Variants in ATP8A2 observed in about 807,000 individuals in gnomAD.
The protein encoded by ATP8A2 is ATPase phospholipid transporting 8A2.
ATP8A2 carries 100 observed loss-of-function variants against 165.6 expected under a neutral mutation model. That is an observed-to-expected ratio of 0.60 (90% CI 0.51 to 0.71). ATP8A2 has a LOEUF of 0.71. Ranked by LOEUF, ATP8A2 falls within the 30% of genes least tolerant of loss-of-function variation. ATP8A2 has a pLI of 0.00. For synonymous variants in ATP8A2, 543 were observed against 548.8 expected (o/e 0.99, Z 0.15); for missense variants, 1,227 against 1,479.5 (o/e 0.83, Z 2.80).
chr13:25,825,490 T>C (rs2138588638), intron 27 of ATP8A2, among the ~76,000 whole-genome samples: 1 of 152,232 alleles, frequency 6.6e-6, no homozygotes, highest in East Asian at 1.9e-4. Context: ...TTTTCTATTT[T>C]TAGTTGATAA....
At chr13:25,847,689 G>T (rs376470163) in intron 30 of ATP8A2, among the ~76,000 whole-genome samples, 2 of 152,136 alleles carry the variant, frequency 1.3e-5, no homozygotes, top group Non-Finnish European at 2.9e-5. Context: ...CATTGTTCGC[G>T]GGTGTGTTGA....
intron 25 of ATP8A2, among the ~76,000 whole-genome samples, chr13:25,763,419 TTTTTATAGTGAGGGAGC>T (rs1172647931): frequency 2.6e-5 from 4 of 152,142 alleles, no homozygotes; most frequent in Admixed American, 2.0e-4. Context: ...CATGTGTAAG[TTTTTATAGTGAGGGAGC>T]TTTTATAGTG....
In ATP8A2 at chr13:25,606,812, A is replaced by G. The variant is rs148316205; in HGVS notation, c.2211+17113A>G. ...CATGTGGTTATTAATCACTTGAAAC[A>G]TAACTAGTTTGGTTGAGGAACTATC... On this transcript the variant is annotated intron_variant, in intron 24 of 36. Transcript: ENST00000381655. 5.8e-3 allele frequency among the ~76,000 whole-genome samples: 878 copies of G among 152,330 alleles called. 7 individuals carry two copies. The highest frequency in any genetic ancestry group is 0.02 in the African/African-American group (833 of 41,574).
intron 35 of ATP8A2, among the ~76,000 whole-genome samples, chr13:25,974,776 T>G (rs1243768301): frequency 2.0e-5 from 3 of 152,102 alleles, no homozygotes; most frequent in Non-Finnish European, 1.5e-5. Context: ...TGTCCCCTCA[T>G]GTCCTGCGCA....
chr13:25,742,655 TTC>T (rs10564366), intron 25 of ATP8A2, among the ~76,000 whole-genome samples: 30,184 of 144,190 alleles, frequency 0.21, 3,845 homozygotes, highest in African/African-American at 0.37. Context: ...CACTCCACTT[TTC>T]TCTCTCTCTC....
At position 25,530,578 on chromosome 13, in the gene ATP8A2, C is replaced by T; in HGVS notation, c.338C>T (p.Ser113Phe). 6.3e-7 allele frequency: 1 copy of T among 1,580,874 alleles called. No homozygotes were observed. The highest frequency in any genetic ancestry group is 8.6e-7 in the Non-Finnish European group (1 of 1,158,428). The change falls in exon 4 of 37, where the codon TCT becomes TTT. Residue 113 changes from serine to phenylalanine, a missense_variant. Ser to Phe is a radical substitution (Grantham distance 155, BLOSUM62 -2). Around this residue, in one of 5 missense-constraint regions of ATP8A2, gnomAD observed 356 missense variants for 394.9 expected, o/e 0.90. Transcript: ENST00000381655. Reference sequence around the variant, plus strand: ...ATCTTCCAGCAAATTCCAGATGTATCTCCAACAGGAAGATATACCACCCTG... The same window carrying T: ...ATCTTCCAGCAAATTCCAGATGTATTTCCAACAGGAAGATATACCACCCTG... Reference protein sequence around the residue: ...IALLQQIPDVSPTGRYTTLVP... With the variant: ...IALLQQIPDVFPTGRYTTLVP...
At chr13:25,682,109 C>A (rs966361151) in intron 24 of ATP8A2, among the ~76,000 whole-genome samples, 3 of 152,036 alleles carry the variant, frequency 2.0e-5, no homozygotes, top group African/African-American at 7.2e-5. Context: ...TTAAAAAAAA[C>A]ACACCAAAAA....
chr13:25,451,852 G>GTT (rs67427237), intron 1 of ATP8A2, among the ~76,000 whole-genome samples: 70,827 of 146,670 alleles, frequency 0.48, 17,329 homozygotes, highest in African/African-American at 0.52. Flanking sequence ...TACCTTCATG[G>GTT]TTTTTTTTTT....
At chr13:25,802,431 T>C (rs1488684334) in intron 27 of ATP8A2, among the ~76,000 whole-genome samples, 3 of 152,206 alleles carry the variant, frequency 2.0e-5, no homozygotes, top group Non-Finnish European at 4.4e-5. Context: ...TTTAGTATTA[T>C]GAGATACGAA....
At chr13:25,893,717 T>C (rs1396791668) in intron 33 of ATP8A2, among the ~76,000 whole-genome samples, 2 of 152,204 alleles carry the variant, frequency 1.3e-5, no homozygotes, top group Non-Finnish European at 2.9e-5. Context: ...CACCTGTTGT[T>C]TCCTGACTTT....
At chr13:25,726,914 A>T (rs927748645) in intron 25 of ATP8A2, among the ~76,000 whole-genome samples, 4 of 152,150 alleles carry the variant, frequency 2.6e-5, no homozygotes, top group African/African-American at 7.2e-5. Flanking sequence ...GGAAGGCTCC[A>T]TGGGGAAAAG....
At chr13:25,386,391 C>A (rs943116471) in intron 1 of ATP8A2, among the ~76,000 whole-genome samples, 1 of 152,162 alleles carries the variant, frequency 6.6e-6, no homozygotes, top group Non-Finnish European at 1.5e-5. Context: ...CACCCCTACC[C>A]TGGTCACTGA....
chr13:25,812,989 A>G (rs1352095461), intron 27 of ATP8A2, among the ~76,000 whole-genome samples: 1 of 152,118 alleles, frequency 6.6e-6, no homozygotes, highest in Non-Finnish European at 1.5e-5. Flanking sequence ...ACAGAAGACC[A>G]AACACCGCAT....
chr13:25,767,793 C>T (rs2044522104), intron 25 of ATP8A2, among the ~76,000 whole-genome samples: 1 of 152,180 alleles, frequency 6.6e-6, no homozygotes, highest in African/African-American at 2.4e-5. Context: ...TGTCACTGAG[C>T]AAAGGCTTTT....
chr13:25,851,319 C>T (rs550772125), intron 30 of ATP8A2, among the ~76,000 whole-genome samples: 2 of 152,180 alleles, frequency 1.3e-5, no homozygotes, highest in African/African-American at 2.4e-5. Context: ...CCGTGGCTCA[C>T]GCCTGTAATC....
At position 25,382,843 on chromosome 13, in the gene ATP8A2, C is replaced by A. The variant is rs556012129; in HGVS notation, c.76+10555C>A. On this transcript the variant is annotated intron_variant, in intron 1 of 36. Coordinates refer to ENST00000381655, the MANE Select transcript of ATP8A2 (RefSeq NM_016529.6). ...CGATCTCAGCTCACTGCAAGCTCCG[C>A]CTCCCGGGTTCACGCCATTCTCCTG... Among the ~76,000 whole-genome samples, 173 of 151,936 alleles carry A rather than the reference C, an allele frequency of 1.1e-3. 1 individual carries two copies. Among genetic ancestry groups the A allele is most frequent in the Non-Finnish European group, 1.9e-3 (130 of 67,974 alleles).
chr13:25,739,764 T>A (rs1281484354), intron 25 of ATP8A2, among the ~76,000 whole-genome samples: 2 of 152,078 alleles, frequency 1.3e-5, no homozygotes, highest in East Asian at 1.9e-4. Context: ...ATATCAAAAA[T>A]CTGGAAGGAC....
chr13:25,898,339 C>T (rs936182633), intron 33 of ATP8A2, among the ~76,000 whole-genome samples: 2 of 152,196 alleles, frequency 1.3e-5, no homozygotes, highest in East Asian at 1.9e-4. Flanking sequence ...TGCAGAACAG[C>T]GGATACTGGT....
intron 1 of ATP8A2, among the ~76,000 whole-genome samples, chr13:25,390,460 C>G (rs1310257364): frequency 6.6e-6 from 1 of 152,122 alleles, no homozygotes; most frequent in Admixed American, 6.5e-5. Context: ...TTTTCCATCA[C>G]CCCTAAAGTT....
Sources: allele counts gnomAD v4.1 joint callset (sites outside exome capture counted in the v4.1 genomes callset), GRCh38; gene constraint gnomAD v4.1.1; regional missense constraint gnomAD v4.1.1; transcripts MANE v1.5; gene names NCBI Gene and HGNC (gene_info 2026-07-23, HGNC 2026-07-21).